Variants in ALOX12B observed in about 807,000 individuals in gnomAD.
ALOX12B encodes arachidonate 12-lipoxygenase, 12R-type.
A neutral mutation model predicts 78.9 loss-of-function variants in ALOX12B; 47 were observed. The ratio of observed to expected loss-of-function variants is 0.60; its 90% confidence interval spans 0.47 to 0.76. The LOEUF (loss-of-function observed/expected upper bound fraction) is 0.76, where lower values mean the gene tolerates loss of function less well. ALOX12B is among the 30% of genes least tolerant of loss of function. The probability of loss-of-function intolerance (pLI) is 0.00; values close to 1 mark genes in which losing one functional copy is unlikely to be tolerated. For synonymous variants in ALOX12B, 370 were observed against 374.5 expected, an observed-to-expected ratio of 0.99 and a Z score of 0.14; for missense variants, 805 against 922.6, an observed-to-expected ratio of 0.87 and a Z score of 1.65.
At chr17:8,076,043 C>A (rs940087786) in intron 11 of ALOX12B, 132 bp downstream of exon 11, 8 of 1,241,860 alleles carry the variant, frequency 6.4e-6, no homozygotes, top group Admixed American at 1.9e-5. Context: ...ACACAGACCC[C>A]AGGCCCCTTC....
chr17:8,078,571 C>T (rs1977138192), intron 8 of ALOX12B, among the ~76,000 whole-genome samples: 1 of 151,320 alleles, frequency 6.6e-6, no homozygotes, highest in African/African-American at 2.4e-5. Context: ...AGGAGTGCAA[C>T]ATGGAAGAAA....
Position 8,072,936 on chromosome 17 carries a change from G to T in ALOX12B, c.1941C>A (p.His647Gln). The stretch of plus-strand genomic sequence containing the variant: ...CCTCCACGAAGTGAATGTCCGGGAA[G>T]TGTCCCAGGGGCCGCTGCGGGCAGA... Reference protein sequence around the residue: ...REPDDRRPLGHFPDIHFVEEA... With the variant: ...REPDDRRPLGQFPDIHFVEEA... The change falls in exon 15 of 15, where the codon CAC (histidine) becomes CAA (glutamine). Residue 647 changes from histidine (H) to glutamine (Q), a missense_variant. By Grantham distance (24) the His-to-Gln change is conservative. Coordinates refer to ENST00000647874, the MANE Select transcript of ALOX12B (RefSeq NM_001139.3). 1.2e-6 allele frequency: 2 copies of T among 1,612,706 alleles called. No individual in the cohort carries two copies. Among genetic ancestry groups the T allele is most frequent in the Non-Finnish European group, 1.7e-6 (2 of 1,179,298 alleles).
rs1243822963 is a variant in ALOX12B at position 8,080,287 on chromosome 17, C to G, written c.702G>C (p.Lys234Asn). ...AAATTTTCCTAATGTCCTTCAGCCT[C>G]TTCCACGAATGTTTGCAGTCCAACA... The part of the protein sequence containing the change: ...RGLLDCKHSW[K>N]RLKDIRKIFP... Residue 234 changes from lysine (K) to asparagine (N), a missense_variant, in exon 6 of 15, where the codon AAG becomes AAC. Coordinates refer to ENST00000647874, the MANE Select transcript of ALOX12B (RefSeq NM_001139.3). The surrounding 1 kb of genome is among the most constrained non-coding windows in gnomAD (Gnocchi z 4.8). 13 of 1,614,260 alleles carry G rather than the reference C, an allele frequency of 8.1e-6. No homozygotes were observed. The highest frequency in any genetic ancestry group is 1.1e-5 in the Non-Finnish European group (13 of 1,180,052).
rs1300908715 is a variant in ALOX12B at position 8,079,456 on chromosome 17, G to A, written c.1011C>T (p.Cys337=). 4 of 1,551,044 alleles carry A rather than the reference G, an allele frequency of 2.6e-6. No individual in the cohort carries two copies. The highest frequency in any genetic ancestry group is 2.6e-6 in the Non-Finnish European group (3 of 1,147,018). ...CAAAGTGCAGCAGGCAGAGGGGGGC[G>A]CAGTGGTGCTGCTTCCGGCCGCTGA... ...VELSGRKQHH[C]APLCLLHFGP... The change falls in exon 8 of 15, where the codon TGC becomes TGT. Residue 337 remains cysteine (C), a synonymous_variant. Coordinates refer to ENST00000647874, the MANE Select transcript of ALOX12B (RefSeq NM_001139.3). This position sits in a 1 kb window ranked among gnomAD's most constrained non-coding sequence, Gnocchi z 6.4.
chr17:8,079,601 C>G lies in ALOX12B; in HGVS notation c.928-62G>C. The G allele has an allele frequency of 6.5e-7, 1 of 1,543,450 alleles. No homozygotes were observed. ...CACACGGGAAGCCCGTGACCCGCGCCGCAGGTGCACAGGGCGCTGGCGACT... is the reference window on the plus strand; with the variant it reads ...CACACGGGAAGCCCGTGACCCGCGCGGCAGGTGCACAGGGCGCTGGCGACT... On this transcript the variant is annotated intron_variant, in intron 7 of 14. Transcript: ENST00000647874. This position sits in a 1 kb window ranked among gnomAD's most constrained non-coding sequence, Gnocchi z 6.4.
At position 8,079,333 on chromosome 17, in the gene ALOX12B, A is replaced by G. The variant is rs1360435009; in HGVS notation, c.1071+63T>C. On this transcript the variant is annotated intron_variant, in intron 8 of 14. Coordinates refer to ENST00000647874, the MANE Select transcript of ALOX12B (RefSeq NM_001139.3). This position sits in a 1 kb window ranked among gnomAD's most constrained non-coding sequence, Gnocchi z 6.4. ...TCCACACGCTCACATAAGCGCGCGC[A>G]CACTCGGAGGAGCATTCGCGCACAC... 3 of 1,542,432 alleles carry G rather than the reference A, an allele frequency of 1.9e-6. No homozygotes were observed. Among genetic ancestry groups the G allele is most frequent in the African/African-American group, 1.4e-5 (1 of 72,804 alleles).
At chr17:8,085,821 T>C (rs550321868) in intron 2 of ALOX12B, among the ~76,000 whole-genome samples, 195 bp downstream of exon 2, 89 of 152,270 alleles carry the variant, frequency 5.8e-4, no homozygotes, top group East Asian at 3.3e-3. Flanking sequence ...CTTCCTCCAA[T>C]GTGCAGCCCC....
chr17:8,079,302 T>A lies in ALOX12B; in HGVS notation c.1071+94A>T. 6.6e-7 allele frequency: 1 copy of A among 1,509,564 alleles called. No homozygotes were observed. Among genetic ancestry groups the A allele is most frequent in the Non-Finnish European group, 8.9e-7 (1 of 1,119,156 alleles). 93.5% of individuals were successfully genotyped at this position (1,509,564 alleles called of 1,614,324 possible). ...GGATAACGAGAGACGGCTGAATACA[T>A]GCAGGTCCACACGCTCACATAAGCG... On this transcript the variant is annotated intron_variant, in intron 8 of 14. Transcript: ENST00000647874. This position sits in a 1 kb window ranked among gnomAD's most constrained non-coding sequence, Gnocchi z 6.4.
chr17:8,079,643 C>A lies in ALOX12B; in HGVS notation c.928-104G>T. On this transcript the variant is annotated intron_variant, in intron 7 of 14. Transcript: ENST00000647874. This position sits in a 1 kb window ranked among gnomAD's most constrained non-coding sequence, Gnocchi z 6.4. ...CTGGCGACTAGGGGCAGGGGTGGGA[C>A]GGGGACAGGGACGCGGGGTGCGGGC... 1.3e-6 allele frequency: 2 copies of A among 1,485,158 alleles called. No homozygotes were observed. Among genetic ancestry groups the A allele is most frequent in the Non-Finnish European group, 1.8e-6 (2 of 1,097,534 alleles). The allele number at this position is 1,485,158 out of a possible 1,614,324, so 92.0% of individuals were successfully genotyped here. A position where few individuals can be genotyped will look rare whatever the true frequency, so the allele number is the denominator to read the frequency against.
chr17:8,080,668 G>A lies in ALOX12B; in HGVS notation c.640C>T (p.Leu214=). 1 of 1,614,202 alleles carries A rather than the reference G, an allele frequency of 6.2e-7. No individual in the cohort carries two copies. Among genetic ancestry groups the A allele is most frequent in the Non-Finnish European group, 8.5e-7 (1 of 1,180,036 alleles). ...CTCACACGGACTCACATGGGCCCCA[G>A]GCGGACGAAGAAGGAGGCCGTCTTG... ...FLKTASFFVR[L]GPMALAFKVR... The change falls in exon 5 of 15, where the codon CTG becomes TTG. Residue 214 remains leucine, a synonymous_variant. Coordinates refer to ENST00000647874, the MANE Select transcript of ALOX12B (RefSeq NM_001139.3). This position sits in a 1 kb window ranked among gnomAD's most constrained non-coding sequence, Gnocchi z 4.8.
At chr17:8,077,314 C>T in intron 8 of ALOX12B, 121 bp from the exon 9 acceptor site, 1 of 991,978 alleles carries the variant, frequency 1.0e-6, no homozygotes, top group Non-Finnish European at 1.5e-6. Flanking sequence ...AGCTCCGGTC[C>T]CACTGGTCCC....
intron 2 of ALOX12B, among the ~76,000 whole-genome samples, chr17:8,083,800 C>T (rs1366201080): frequency 1.3e-5 from 2 of 152,006 alleles, no homozygotes; most frequent in Non-Finnish European, 2.9e-5. Flanking sequence ...TTCTCACATC[C>T]ACCCTATGAA....
rs374296227 is a variant in ALOX12B at position 8,076,259 on chromosome 17, T to C, written c.1448A>G (p.Asn483Ser). 8.1e-6 allele frequency: 13 copies of C among 1,614,002 alleles called. No individual in the cohort carries two copies. The highest frequency in any genetic ancestry group is 1.3e-5 in the African/African-American group (1 of 74,916). Reference protein sequence around the residue: ...ELTYDSLYLPNDFVERGVQDL... With the variant: ...ELTYDSLYLPSDFVERGVQDL... ...CTGGACCCCACGCTCCACAAAGTCA[T>C]TGGGGAGGTAGAGGCTGTCATAGGT... Residue 483 changes from asparagine (N) to serine (S), a missense_variant, in exon 11 of 15, where the codon AAT becomes AGT. Coordinates refer to ENST00000647874, the MANE Select transcript of ALOX12B (RefSeq NM_001139.3).
At chr17:8,077,524 G>A (rs1258062524) in intron 8 of ALOX12B, among the ~76,000 whole-genome samples, 1 of 152,226 alleles carries the variant, frequency 6.6e-6, no homozygotes, top group African/African-American at 2.4e-5. Flanking sequence ...CGCAGGTTGT[G>A]CACTGCACAA....
At chr17:8,076,853 C>T (rs1023071561) in intron 9 of ALOX12B, 110 bp from the exon 10 acceptor site, 8 of 1,449,976 alleles carry the variant, frequency 5.5e-6, no homozygotes, top group Non-Finnish European at 7.6e-6. Flanking sequence ...AGTCCCTATG[C>T]CAAGCCCTCT....
chr17:8,079,827 G>T lies in ALOX12B; in HGVS notation c.869C>A (p.Thr290Lys). 6.2e-7 allele frequency: 1 copy of T among 1,613,596 alleles called. No individual in the cohort carries two copies. The highest frequency in any genetic ancestry group is 8.5e-7 in the Non-Finnish European group (1 of 1,179,966). Residue 290 changes from threonine to lysine, a missense_variant, in exon 7 of 15, where the codon ACA becomes AAA. Thr to Lys is a moderately conservative substitution (Grantham distance 78). Coordinates refer to ENST00000647874, the MANE Select transcript of ALOX12B (RefSeq NM_001139.3). This position sits in a 1 kb window ranked among gnomAD's most constrained non-coding sequence, Gnocchi z 6.4. ...CAGGAACGGAGCCACCATGTCGTCT[G>T]TGACGGGGAACTTGTCTGGGATCCG... ...CTRIPDKFPV[T>K]DDMVAPFLGE... is the part of the protein sequence containing the mutation.
rs369807670 is a variant in ALOX12B at position 8,076,716 on chromosome 17, C to T, written c.1303G>A (p.Val435Ile). The T allele has an allele frequency of 4.4e-5, 68 of 1,550,662 alleles. No homozygotes were observed. Among genetic ancestry groups the T allele is most frequent in the South Asian group, 3.1e-4 (26 of 84,004 alleles). The change falls in exon 10 of 15, where the codon GTC becomes ATC. Residue 435 changes from valine (V) to isoleucine (I), a missense_variant. Transcript: ENST00000647874. ...KLLIPHTRYT[V>I]QINSIGRAVL... ...GCCCGGCCAATGCTGTTGATCTGGACGGTGTATCGGGTATGGGGGATGAGG... is the reference window on the plus strand; with the variant it reads ...GCCCGGCCAATGCTGTTGATCTGGATGGTGTATCGGGTATGGGGGATGAGG...
Position 8,080,408 on chromosome 17 carries a change from G to T in ALOX12B, c.651-70C>A, listed in dbSNP as rs1977189466. The T allele has an allele frequency of 1.3e-6, 2 of 1,549,308 alleles. No homozygotes were observed. Among genetic ancestry groups the T allele is most frequent in the Non-Finnish European group, 1.8e-6 (2 of 1,121,582 alleles). On this transcript the variant is annotated intron_variant, in intron 5 of 14. Coordinates refer to ENST00000647874, the MANE Select transcript of ALOX12B (RefSeq NM_001139.3). The surrounding 1 kb of genome is among the most constrained non-coding windows in gnomAD (Gnocchi z 4.8). ...AGCGCCGGCTGGGGCAGGTGGCGGG[G>T]CCGCCCCATCCACTTAGGTCTCTGG...
chr17:8,077,155 C>G lies in ALOX12B; in HGVS notation c.1110G>C (p.Leu370=). 6.2e-7 allele frequency: 1 copy of G among 1,613,714 alleles called. No individual in the cohort carries two copies. The highest frequency in any genetic ancestry group is 8.5e-7 in the Non-Finnish European group (1 of 1,179,924). The part of the protein sequence containing the change: ...QTPGPDCPIF[L]PSDSEWDWLL... Reference sequence around the variant, plus strand: ...GCCAGTCCCACTCAGAATCACTGGGCAGGAAGATGGGGCAATCTGGCCCAG... The same window carrying G: ...GCCAGTCCCACTCAGAATCACTGGGGAGGAAGATGGGGCAATCTGGCCCAG... Residue 370 remains leucine (L), a synonymous_variant, in exon 9 of 15, where the codon CTG becomes CTC. Transcript: ENST00000647874.
Sources: gnomAD v4.1 joint callset for allele counts (sites outside exome capture counted in the v4.1 genomes callset) on GRCh38, gnomAD v4.1.1 for gene constraint, Gnocchi (gnomAD v3.1) non-coding constraint, MANE v1.5 for transcripts, NCBI Gene and HGNC (gene_info 2026-07-23, HGNC 2026-07-21) for gene names.